Variants in CLIP1 observed in about 807,000 individuals in gnomAD.
CLIP1 encodes the protein CAP-Gly domain containing linker protein 1.
Under a neutral mutation model 161.6 loss-of-function variants are expected in CLIP1, and 66 were observed. The observed-to-expected ratio is 0.41, with a 90% CI of 0.33 to 0.50. The LOEUF (loss-of-function observed/expected upper bound fraction) is 0.50. CLIP1 is among the 20% of genes least tolerant of loss of function. CLIP1 has a pLI of 0.27. For synonymous variants in CLIP1, 598 were observed against 626.2 expected, an observed-to-expected ratio of 0.96 and a Z score of 0.67; for missense variants, 1,376 against 1,702.0, an observed-to-expected ratio of 0.81 and a Z score of 3.37.
chr12:122,419,099 G>A (rs988727355), intron 1 of CLIP1, among the ~76,000 whole-genome samples: 4 of 152,038 alleles, frequency 2.6e-5, no homozygotes, highest in Non-Finnish European at 5.9e-5. Flanking sequence ...AGATGGGCAC[G>A]GTGGCTCACA....
intron 21 of CLIP1, among the ~76,000 whole-genome samples, chr12:122,282,303 T>C (rs1218195491): frequency 1.3e-5 from 2 of 152,128 alleles, no homozygotes; most frequent in Non-Finnish European, 1.5e-5. Flanking sequence ...CCAACATTAC[T>C]GACGTCTGAG....
chr12:122,317,504 G>C, intron 18 of CLIP1, among the ~76,000 whole-genome samples: 1 of 152,186 alleles, frequency 6.6e-6, no homozygotes, highest in East Asian at 1.9e-4. Context: ...TTGGTGGAAA[G>C]CCAGAGCTGT....
intron 3 of CLIP1, among the ~76,000 whole-genome samples, chr12:122,376,553 G>A (rs191488225): frequency 1.2e-3 from 186 of 150,884 alleles, no homozygotes; most frequent in African/African-American, 4.3e-3. Flanking sequence ...TGCAAGCTCC[G>A]CCTCCTGGGT....
chr12:122,320,710 C>T (rs992633113), intron 17 of CLIP1, among the ~76,000 whole-genome samples: 5 of 150,106 alleles, frequency 3.3e-5, no homozygotes, highest in African/African-American at 4.9e-5. Flanking sequence ...GGTGACAGAG[C>T]GAGACTCTTT....
intron 10 of CLIP1, chr12:122,343,534 T>C (rs1952607550): frequency 2.6e-5 from 4 of 152,310 alleles, no homozygotes; most frequent in African/African-American, 4.8e-5. Context: ...GATAATTCTA[T>C]CAGCATTTTG....
At chr12:122,413,361 C>A (rs1401995710) in intron 1 of CLIP1, among the ~76,000 whole-genome samples, 1 of 152,120 alleles carries the variant, frequency 6.6e-6, no homozygotes, top group Non-Finnish European at 1.5e-5. Context: ...TATTGCCTCC[C>A]TTTATACATC....
At chr12:122,326,939 G>A (rs1951731927) in intron 17 of CLIP1, among the ~76,000 whole-genome samples, 1 of 152,050 alleles carries the variant, frequency 6.6e-6, no homozygotes, top group African/African-American at 2.4e-5. Context: ...TGACATGCAC[G>A]GCACACACAT....
intron 19 of CLIP1, among the ~76,000 whole-genome samples, chr12:122,313,410 G>A (rs1406186037): frequency 6.6e-6 from 1 of 152,004 alleles, no homozygotes; most frequent in East Asian, 1.9e-4. Flanking sequence ...GGAATAATTC[G>A]AAGGAGGGGG....
At chr12:122,296,896 A>G (rs1440130063) in intron 20 of CLIP1, among the ~76,000 whole-genome samples, 2 of 151,924 alleles carry the variant, frequency 1.3e-5, no homozygotes, top group Non-Finnish European at 2.9e-5. Flanking sequence ...TGCAGGGCAA[A>G]CAAGGTAGAG....
chr12:122,316,608 T>G, intron 19 of CLIP1, 141 bp downstream of exon 19: 1 of 536,334 alleles, frequency 1.9e-6, no homozygotes, highest in Non-Finnish European at 3.3e-6. Flanking sequence ...TGGTTACTGA[T>G]GTTGCTTCTG....
At chr12:122,290,858 C>CT (rs565095841) in intron 20 of CLIP1, among the ~76,000 whole-genome samples, 55 of 148,882 alleles carry the variant, frequency 3.7e-4, no homozygotes, top group Admixed American at 1.3e-3. Flanking sequence ...TTTCTTTTTT[C>CT]TTTTTTTTAT....
intron 1 of CLIP1, among the ~76,000 whole-genome samples, chr12:122,412,627 C>G (rs972743103): frequency 6.6e-6 from 1 of 151,970 alleles, no homozygotes; most frequent in Non-Finnish European, 1.5e-5. Context: ...TGCACTCCAG[C>G]CTGGGTGACA....
At position 122,320,717 on chromosome 12, in the gene CLIP1, CTT is replaced by C. The variant is rs572671726; in HGVS notation, c.3250-1371_3250-1370del. Among the ~76,000 whole-genome samples, 447 of 138,612 alleles carry C rather than the reference CTT, an allele frequency of 3.2e-3. 2 individuals carry two copies. Among genetic ancestry groups the C allele is most frequent in the African/African-American group, 0.011 (418 of 38,360 alleles). The allele number at this position is 138,612 out of a possible 152,430, so 90.9% of individuals were successfully genotyped here. Reference sequence around the variant, plus strand: ...CCAACCTGGGTGACAGAGCGAGACTCTTTTTTTTTTTTTTAGGCAGTCTCATT... The same window carrying C: ...CCAACCTGGGTGACAGAGCGAGACTCTTTTTTTTTTTTAGGCAGTCTCATT... On this transcript the variant is annotated intron_variant, in intron 17 of 25. Transcript: ENST00000620786.
At chr12:122,336,586 G>A (rs1419777952) in intron 12 of CLIP1, 46 bp downstream of exon 12, 2 of 968,402 alleles carry the variant, frequency 2.1e-6, no homozygotes, top group Non-Finnish European at 3.3e-6. Context: ...TTTAAAACAG[G>A]AAATGGCCAG....
intron 19 of CLIP1, among the ~76,000 whole-genome samples, chr12:122,315,697 G>A (rs866136048): frequency 1.3e-5 from 2 of 151,160 alleles, no homozygotes; most frequent in Middle Eastern, 3.4e-3. Flanking sequence ...CTGGAGTGCA[G>A]TGGCTCGATC....
At chr12:122,371,879 CT>C (rs1311933351) in intron 3 of CLIP1, among the ~76,000 whole-genome samples, 1 of 152,230 alleles carries the variant, frequency 6.6e-6, no homozygotes, top group African/African-American at 2.4e-5. Flanking sequence ...CAGGAAAAAG[CT>C]GCTTAACGCA....
rs1267685120 is a variant in CLIP1, at chr12:122,355,929, C to A, written c.1006-617G>T. ...CTCCAGATCAAGTCAGCCTTGACTT[C>A]ATCTTCTGCAGTCAGAGCTGCTGCA... On this transcript the variant is annotated intron_variant, in intron 5 of 25. Transcript: ENST00000620786. This position sits in a 1 kb window ranked among gnomAD's most constrained non-coding sequence, Gnocchi z 4.1. The A allele has an allele frequency of 6.6e-6, 1 of 152,324 alleles. No homozygotes were observed. The highest frequency in any genetic ancestry group is 1.5e-5 in the Non-Finnish European group (1 of 68,136). The allele number at this position is 152,324 out of a possible 1,614,324, so 9.4% of individuals were successfully genotyped here. A position where few individuals can be genotyped will look rare whatever the true frequency, so the allele number is the denominator to read the frequency against.
intron 20 of CLIP1, among the ~76,000 whole-genome samples, chr12:122,291,988 C>CCATTCATT (rs575565438): frequency 6.6e-6 from 1 of 151,908 alleles, no homozygotes; most frequent in African/African-American, 2.4e-5. Context: ...CTTTCATTTT[C>CCATTCATT]CATTCATTCA....
At chr12:122,277,805 C>T (rs1034252959) in intron 24 of CLIP1, 4 of 191,990 alleles carry the variant, frequency 2.1e-5, no homozygotes, top group African/African-American at 9.7e-5. Flanking sequence ...AAGTGCAGAA[C>T]CGTTTATGTA....
Sources: allele counts gnomAD v4.1 joint callset (sites outside exome capture counted in the v4.1 genomes callset), GRCh38; gene constraint gnomAD v4.1.1; non-coding constraint Gnocchi (gnomAD v3.1); transcripts MANE v1.5; gene names NCBI Gene and HGNC (gene_info 2026-07-23, HGNC 2026-07-21).